Variants in ALDH8A1 observed in about 807,000 individuals in gnomAD.
ALDH8A1 encodes 2-aminomuconic semialdehyde dehydrogenase.
A neutral mutation model predicts 43.3 loss-of-function variants in ALDH8A1; 39 were observed. That is an observed-to-expected ratio of 0.90 (90% CI 0.70 to 1.18). The LOEUF (loss-of-function observed/expected upper bound fraction) is 1.18. Ranked by LOEUF, ALDH8A1 falls within the 50% of genes most tolerant of loss-of-function variation. The pLI, the probability that ALDH8A1 is intolerant of heterozygous loss-of-function variation, is 0.00. For synonymous variants in ALDH8A1, 233 were observed against 243.5 expected (o/e 0.96, Z 0.40); for missense variants, 605 against 622.6 (o/e 0.97, Z 0.30).
chr6:134,942,634 C>A, intron 2 of ALDH8A1, 70 bp from the exon 3 acceptor site: 1 of 1,485,048 alleles, frequency 6.7e-7, no homozygotes, highest in Non-Finnish European at 9.1e-7. Context: ...TTCCACTGCC[C>A]ACGCGTCCCA....
intron 1 of ALDH8A1, among the ~76,000 whole-genome samples, chr6:134,945,667 C>G (rs1283985531): frequency 6.6e-6 from 1 of 152,134 alleles, no homozygotes; most frequent in African/African-American, 2.4e-5. Context: ...CGGGCCCTGG[C>G]TCAGACTCAG....
rs960957758 is a variant in ALDH8A1, at chr6:134,942,563, C to T, written c.288G>A (p.Gly96=). 5 of 1,612,580 alleles carry T rather than the reference C, an allele frequency of 3.1e-6. No individual in the cohort carries two copies. The African/African-American group carries it at 6.7e-5, about 22-fold the overall frequency. Residue 96 remains glycine (G), a splice_region_variant and synonymous_variant, in exon 3 of 7, where the codon GGG becomes GGA. Coordinates refer to ENST00000265605, the MANE Select transcript of ALDH8A1 (RefSeq NM_022568.4). The part of the protein sequence containing the change: ...EFAQAESKDQ[G]KTLALARTMD... ...TGGTTCTTGCCAGTGCTAAGGTTTT[C>T]CCTGTAAGAAGCAAACAACATAAAG...
chr6:134,921,952 C>T (rs962696681), intron 6 of ALDH8A1, among the ~76,000 whole-genome samples: 3 of 152,252 alleles, frequency 2.0e-5, no homozygotes, highest in East Asian at 1.9e-4. Flanking sequence ...TCCCAAAGGG[C>T]AGAGACAGCA....
chr6:134,944,723 A>G (rs1773922056), intron 1 of ALDH8A1, among the ~76,000 whole-genome samples: 1 of 151,742 alleles, frequency 6.6e-6, no homozygotes, highest in Admixed American at 6.6e-5. Context: ...GTCTCTACAC[A>G]AAGGTTTTTT....
chr6:134,928,183 T>C (rs1412965997), intron 6 of ALDH8A1, among the ~76,000 whole-genome samples: 1 of 152,230 alleles, frequency 6.6e-6, no homozygotes, highest in Non-Finnish European at 1.5e-5. Flanking sequence ...TCCTCCCTCC[T>C]GAAACCTTCA....
At chr6:134,945,365 G>A (rs946097968) in intron 1 of ALDH8A1, among the ~76,000 whole-genome samples, 1 of 152,116 alleles carries the variant, frequency 6.6e-6, no homozygotes, top group South Asian at 2.1e-4. Flanking sequence ...AGTGGAAGAG[G>A]CTTTATTGGA....
intron 6 of ALDH8A1, 66 bp from the exon 7 acceptor site, chr6:134,918,933 T>C (rs1254171686): frequency 4.2e-5 from 63 of 1,504,604 alleles, no homozygotes; most frequent in Non-Finnish European, 5.6e-5. Flanking sequence ...CAGCAGAAAA[T>C]TCAATGTTTT....
intron 3 of ALDH8A1, among the ~76,000 whole-genome samples, chr6:134,941,678 C>T (rs897199448): frequency 1.3e-5 from 2 of 152,058 alleles, no homozygotes; most frequent in Non-Finnish European, 2.9e-5. Flanking sequence ...GCATGAGCCA[C>T]CGCGCCCGGT....
At chr6:134,929,967 G>A (rs373258585) in intron 5 of ALDH8A1, among the ~76,000 whole-genome samples, 9 of 152,338 alleles carry the variant, frequency 5.9e-5, no homozygotes, top group Middle Eastern at 6.8e-3. Context: ...GTCCAGATGC[G>A]TGTAGGTAGC....
rs1351275096 is a variant in ALDH8A1, at chr6:134,939,332, TCA to T, written c.524_525del (p.Val175AspfsTer6). 1 of 1,614,236 alleles carries T rather than the reference TCA, an allele frequency of 6.2e-7. No individual in the cohort carries two copies. The highest frequency in any genetic ancestry group is 1.3e-5 in the African/African-American group (1 of 75,068). ...IAPAMAAGNT[V>X]IAKPSELTSV... ...GAAGTCAGCTCACTGGGCTTGGCTA[TCA>T]CAGTGTTCCCTGCAGCCATCGCTGG... On this transcript the variant is annotated frameshift_variant, in exon 4 of 7. Coordinates refer to ENST00000265605, the MANE Select transcript of ALDH8A1 (RefSeq NM_022568.4). LOFTEE classifies it high-confidence loss of function.
intron 6 of ALDH8A1, among the ~76,000 whole-genome samples, chr6:134,924,901 G>T (rs1332447420): frequency 6.6e-6 from 1 of 152,132 alleles, no homozygotes; most frequent in African/African-American, 2.4e-5. Context: ...GAATTTGGAA[G>T]GCATTCCAAA....
intron 4 of ALDH8A1, among the ~76,000 whole-genome samples, chr6:134,936,596 T>A (rs1350167414): frequency 6.6e-6 from 1 of 152,206 alleles, no homozygotes; most frequent in Admixed American, 6.5e-5. Flanking sequence ...TCACTGCTAA[T>A]GTTCAGAGTA....
intron 3 of ALDH8A1, among the ~76,000 whole-genome samples, chr6:134,939,714 A>G (rs1042622978): frequency 5.3e-5 from 8 of 152,266 alleles, no homozygotes; most frequent in African/African-American, 1.9e-4. Flanking sequence ...GTCACCTATC[A>G]TATACCCAAA....
intron 1 of ALDH8A1, among the ~76,000 whole-genome samples, chr6:134,946,912 A>G (rs537880195): frequency 1.7e-3 from 266 of 152,306 alleles, no homozygotes; most frequent in Non-Finnish European, 2.5e-3. Context: ...CTAAGTTGTT[A>G]CAACTCGCTT....
intron 4 of ALDH8A1, among the ~76,000 whole-genome samples, chr6:134,934,356 T>C (rs1187251959): frequency 1.3e-5 from 2 of 152,150 alleles, no homozygotes; most frequent in African/African-American, 4.8e-5. Context: ...AAATGGATAA[T>C]CTATTCCTTT....
chr6:134,939,057 G>C (rs1773803375), intron 4 of ALDH8A1, among the ~76,000 whole-genome samples: 1 of 152,166 alleles, frequency 6.6e-6, no homozygotes, highest in African/African-American at 2.4e-5. Context: ...CTGGGGAGTG[G>C]AACTTGCCTG....
rs557169944 is a variant in ALDH8A1, at chr6:134,938,109, C to T, written c.592+1157G>A. Among the ~76,000 whole-genome samples, 14 of 152,302 alleles carry T rather than the reference C, an allele frequency of 9.2e-5. No individual in the cohort carries two copies. In the East Asian group the frequency reaches 1.2e-3, roughly 13 times the overall value. ...GAGAGAGGGACGGACTCTTACCCAC[C>T]GGGCATTCTGTGGATACAGGAGAGC... On this transcript the variant is annotated intron_variant, in intron 4 of 6. Coordinates refer to ENST00000265605, the MANE Select transcript of ALDH8A1 (RefSeq NM_022568.4).
intron 5 of ALDH8A1, among the ~76,000 whole-genome samples, chr6:134,931,854 AC>A (rs1378772666): frequency 6.6e-6 from 1 of 152,212 alleles, no homozygotes; most frequent in African/African-American, 2.4e-5. Context: ...ACTCATGAAA[AC>A]CCTGTTAGAA....
intron 4 of ALDH8A1, among the ~76,000 whole-genome samples, chr6:134,938,292 C>G (rs1773785381): frequency 6.6e-6 from 1 of 152,250 alleles, no homozygotes; most frequent in Non-Finnish European, 1.5e-5. Context: ...CTGCTGGGGT[C>G]TCCTGCCTGC....
Sources: allele counts gnomAD v4.1 joint callset (sites outside exome capture counted in the v4.1 genomes callset), GRCh38; gene constraint gnomAD v4.1.1; transcripts MANE v1.5; gene names NCBI Gene and HGNC (gene_info 2026-07-23, HGNC 2026-07-21).